The following AMMECR1 variants were observed in gnomAD, a reference collection of about 807,000 sequenced individuals.
AMMECR1 encodes the protein AMMECR nuclear protein 1, also known as nuclear protein AMMECR1.
Under a neutral mutation model 22.5 loss-of-function variants are expected in AMMECR1, and 3 were observed. The ratio of observed to expected loss-of-function variants is 0.13; its 90% CI spans 0.06 to 0.35. AMMECR1 has a LOEUF of 0.35. Among genes scored for constraint, AMMECR1 ranks in the 10% least tolerant of loss-of-function variants. The pLI is 1.00. For missense variants in AMMECR1, 235 were observed against 278.7 expected, an observed-to-expected ratio of 0.84 and a Z score of 1.12; for synonymous variants, 130 against 116.7, an observed-to-expected ratio of 1.11 and a Z score of -0.74.
At chrX:110,422,775 T>C (rs899223675) in intron 2 of AMMECR1, among the ~76,000 whole-genome samples, 4 of 111,728 alleles carry the variant, frequency 3.6e-5, no homozygotes, top group African/African-American at 1.3e-4. Context: ...ATGGAGTTAA[T>C]ATATTGGAAA....
At chrX:110,380,222 C>G (rs1157321378) in intron 2 of AMMECR1, among the ~76,000 whole-genome samples, 6 of 111,652 alleles carry the variant, frequency 5.4e-5, no homozygotes. Context: ...GTGTTAGGGA[C>G]AGAACACAAA....
rs188580033 is a variant in AMMECR1, at chrX:110,194,637, T to C, written c.*3883A>G. Reference sequence around the variant, plus strand: ...AACTTAGAAACTAGATCCAAATATTTCAAAAGTAATCAACTTTGATATACA... The same window carrying C: ...AACTTAGAAACTAGATCCAAATATTCCAAAAGTAATCAACTTTGATATACA... On this transcript the variant is annotated 3_prime_UTR_variant, in exon 6 of 6. Transcript: ENST00000262844. The C allele has an allele frequency of 8.9e-6, 1 of 112,399 alleles. No individual in the cohort carries two copies. The highest frequency in any genetic ancestry group is 2.8e-4 in the East Asian group (1 of 3,596). 9.3% of individuals were successfully genotyped at this position (112,399 alleles called of 1,213,427 possible).
At chrX:110,345,504 ATAT>A (rs2068185204) in intron 2 of AMMECR1, among the ~76,000 whole-genome samples, 1 of 102,689 alleles carries the variant, frequency 9.7e-6, no homozygotes, top group African/African-American at 4.0e-5. Context: ...TAAAAAAAAT[ATAT>A]ATATATATAT....
intron 2 of AMMECR1, among the ~76,000 whole-genome samples, chrX:110,409,035 G>A (rs753375210): frequency 1.3e-4 from 14 of 111,698 alleles, no homozygotes; most frequent in Non-Finnish European, 2.4e-4. Flanking sequence ...TGATGGCTTC[G>A]TGAGGGCCAG....
intron 2 of AMMECR1, among the ~76,000 whole-genome samples, chrX:110,377,988 G>A (rs1247340204): frequency 2.5e-5 from 2 of 81,559 alleles, no homozygotes; most frequent in Admixed American, 1.6e-4. Context: ...CAGCCTGGGC[G>A]ACAGAGCGAG....
At chrX:110,307,864 CT>C (rs1162615101) in intron 1 of AMMECR1, among the ~76,000 whole-genome samples, 2,031 of 63,494 alleles carry the variant, frequency 0.032, 8 homozygotes, top group African/African-American at 0.052. Context: ...TTTTTTTTTT[CT>C]TTTTTTTTTT....
At chrX:110,255,900 C>T (rs1194068160) in intron 2 of AMMECR1, among the ~76,000 whole-genome samples, 1 of 111,744 alleles carries the variant, frequency 8.9e-6, no homozygotes, top group Non-Finnish European at 1.9e-5. Context: ...TAAATCTGTA[C>T]CTTATGAATC....
chrX:110,380,220 G>A (rs780058644), intron 2 of AMMECR1, among the ~76,000 whole-genome samples: 57 of 111,766 alleles, frequency 5.1e-4, no homozygotes, highest in Non-Finnish European at 9.2e-4. Flanking sequence ...TTGTGTTAGG[G>A]ACAGAACACA....
chrX:110,352,131 G>C (rs942488612), intron 2 of AMMECR1, among the ~76,000 whole-genome samples: 1 of 112,096 alleles, frequency 8.9e-6, no homozygotes, highest in African/African-American at 3.2e-5. Flanking sequence ...AATATTAAAT[G>C]GTGCAGCCTC....
chrX:110,199,445 A>G (rs1347139638), intron 5 of AMMECR1, among the ~76,000 whole-genome samples: 2 of 110,867 alleles, frequency 1.8e-5, no homozygotes, highest in Non-Finnish European at 3.8e-5. Flanking sequence ...CCCTATCCTT[A>G]CAATTTCAAT....
At chrX:110,270,168 G>A (rs1345760555) in intron 1 of AMMECR1, among the ~76,000 whole-genome samples, 1 of 111,486 alleles carries the variant, frequency 9.0e-6, no homozygotes, top group East Asian at 2.8e-4. Context: ...TTAATTTCTT[G>A]TAGGCCTTAT....
At chrX:110,292,247 T>C (rs2067912904) in intron 1 of AMMECR1, among the ~76,000 whole-genome samples, 2 of 112,286 alleles carry the variant, frequency 1.8e-5, no homozygotes, top group Admixed American at 1.9e-4. Context: ...GCAGCTCTTG[T>C]TTATTGCTGG....
chrX:110,319,237 T>G (rs192655994), upstream of AMMECR1, among the ~76,000 whole-genome samples: 6 of 112,460 alleles, frequency 5.3e-5, no homozygotes, highest in East Asian at 1.4e-3. Flanking sequence ...TTCGTAGAAA[T>G]GAACGTGATA....
intron 2 of AMMECR1, among the ~76,000 whole-genome samples, chrX:110,218,359 ATTT>A (rs1403494687): frequency 9.0e-6 from 1 of 111,153 alleles, no homozygotes; most frequent in Non-Finnish European, 1.9e-5. Context: ...GGGGTTATGG[ATTT>A]TTTTACTGTG....
At chrX:110,389,874 G>T (rs2068482948) in intron 2 of AMMECR1, among the ~76,000 whole-genome samples, 1 of 112,005 alleles carries the variant, frequency 8.9e-6, no homozygotes, top group Non-Finnish European at 1.9e-5. Context: ...CATCTGAAAA[G>T]AAAAGGCTGA....
In AMMECR1 at chrX:110,402,551, G is replaced by T. The variant is rs777281693; in HGVS notation, c.-148+24107C>A. On this transcript the variant is annotated intron_variant, in intron 2 of 7. Coordinates refer to the AMMECR1 transcript ENST00000372057. ...TCAGCTGACTGAGAGCTGTGTCCCC[G>T]GCTCCATTTTGCCTAGGGGCGAGCC... 1.1e-3 allele frequency among the ~76,000 whole-genome samples: 128 copies of T among 112,515 alleles called. 4 individuals are homozygous for T. Among genetic ancestry groups the T allele is most frequent in the Middle Eastern group, 4.2e-3 (1 of 237 alleles).
In AMMECR1 at chrX:110,217,502, T is replaced by TACACACACACACAC. The variant is rs759487797; in HGVS notation, c.585-884_585-871dup. Among the ~76,000 whole-genome samples the TACACACACACACAC allele has an allele frequency of 6.2e-3, 546 of 88,576 alleles. 7 individuals carry two copies. The highest frequency in any genetic ancestry group is 0.021 in the African/African-American group (519 of 24,949). 76.9% of individuals were successfully genotyped at this position (88,576 alleles called of 115,157 possible). A position where few individuals can be genotyped will look rare whatever the true frequency, so the allele number is the denominator to read the frequency against. ...ATTCTTCCTGCAACGGAATAGAAAA[T>TACACACACACACAC]ACACACACACACACACACACACACA... On this transcript the variant is annotated intron_variant, in intron 2 of 5. Coordinates refer to ENST00000262844, the MANE Select transcript of AMMECR1 (RefSeq NM_015365.3).
At chrX:110,221,051 C>T (rs1602790036) in intron 2 of AMMECR1, among the ~76,000 whole-genome samples, 1 of 112,490 alleles carries the variant, frequency 8.9e-6, no homozygotes, top group East Asian at 2.8e-4. Flanking sequence ...TGACCTTAAT[C>T]GGTTAACTGC....
At chrX:110,263,195 C>T (rs1203919743) in intron 2 of AMMECR1, among the ~76,000 whole-genome samples, 2 of 110,856 alleles carry the variant, frequency 1.8e-5, no homozygotes, top group Non-Finnish European at 3.8e-5. Flanking sequence ...AAAATGAGCC[C>T]ATTGTATTTT....
Sources: gnomAD v4.1 joint callset for allele counts (sites outside exome capture counted in the v4.1 genomes callset) on GRCh38, gnomAD v4.1.1 for gene constraint, MANE v1.5 for transcripts, NCBI Gene and HGNC (gene_info 2026-07-23, HGNC 2026-07-21) for gene names.